TCOF1: variants seen among roughly 807,000 people sequenced by gnomAD.
TCOF1 encodes treacle protein.
Under a neutral mutation model 149.0 loss-of-function variants are expected in TCOF1, and 33 were observed. The ratio of observed to expected loss-of-function variants is 0.22; its 90% confidence interval spans 0.17 to 0.30. TCOF1 has a LOEUF of 0.30. Ranked by LOEUF, TCOF1 falls within the 10% of genes least tolerant of loss-of-function variation. TCOF1 has a pLI of 1.00. For missense variants in TCOF1, 1,728 were observed against 1,840.7 expected (o/e 0.94, Z 1.12); for synonymous variants, 789 against 738.8 (o/e 1.07, Z -1.10).
chr5:150,379,935 G>T, intron 17 of TCOF1: 2 of 575,386 alleles, frequency 3.5e-6, no homozygotes, highest in East Asian at 7.4e-5. Context: ...AGCTGGGCAT[G>T]GTGGCGGGTG....
At chr5:150,379,439 A>G (rs1443698476) in intron 16 of TCOF1, 31 bp downstream of exon 16, 1 of 1,614,034 alleles carries the variant, frequency 6.2e-7, no homozygotes, top group African/African-American at 1.3e-5. Flanking sequence ...ATCATCCCCT[A>G]CATGGGATGT....
rs758321373 is a variant in TCOF1 at position 150,387,931 on chromosome 5, C to A, written c.2889C>A (p.Asp963Glu). 3.1e-6 allele frequency: 5 copies of A among 1,613,852 alleles called. No homozygotes were observed. The highest frequency in any genetic ancestry group is 4.2e-6 in the Non-Finnish European group (5 of 1,180,026). The change falls in exon 18 of 27, where the codon GAC becomes GAA. Residue 963 changes from aspartate to glutamate, a missense_variant. Physicochemically the swap from Asp to Glu is conservative, Grantham distance 45 (BLOSUM62 2). Around this residue, in one of 2 missense-constraint regions of TCOF1, gnomAD observed 1,696 missense variants for 1,765.4 expected, o/e 0.96. Coordinates refer to ENST00000643257, the MANE Select transcript of TCOF1 (RefSeq NM_001371623.1). ...QVIKPPLIFVDPNRSPAGPAA... is the reference protein window; with the variant it reads ...QVIKPPLIFVEPNRSPAGPAA... Reference sequence around the variant, plus strand: ...TTAAACCCCCTCTGATTTTTGTCGACCCTAATCGTAGTCCAGCTGGCCCAG... The same window carrying A: ...TTAAACCCCCTCTGATTTTTGTCGAACCTAATCGTAGTCCAGCTGGCCCAG...
At chr5:150,366,039 T>C (rs1045791960) in intron 3 of TCOF1, among the ~76,000 whole-genome samples, 2 of 151,690 alleles carry the variant, frequency 1.3e-5, no homozygotes, top group African/African-American at 4.8e-5. Context: ...GGAGGATTAC[T>C]TGAGCCCAGG....
chr5:150,383,369 A>G (rs1765629165), intron 17 of TCOF1, among the ~76,000 whole-genome samples: 1 of 152,278 alleles, frequency 6.6e-6, no homozygotes, highest in Non-Finnish European at 1.5e-5. Flanking sequence ...TTAAACATAC[A>G]GGCTTCAGAG....
rs764809225 is a variant in TCOF1 at position 150,379,289 on chromosome 5, G to T, written c.2539G>T (p.Val847Leu). ...STVLARGPAS[V>L]PSVGKAVATA... is the part of the protein sequence containing the mutation. ...CGTCTTGGCGAGGGGCCCAGCATCT[G>T]TGCCATCTGTGGGGAAGGCCGTGGC... Residue 847 changes from valine (V) to leucine (L), a missense_variant, in exon 16 of 27, where the codon GTG becomes TTG. Coordinates refer to ENST00000643257, the MANE Select transcript of TCOF1 (RefSeq NM_001371623.1). 20 of 1,614,240 alleles carry T rather than the reference G, an allele frequency of 1.2e-5. No homozygotes were observed. The highest frequency in any genetic ancestry group is 8.3e-5 in the Admixed American group (5 of 60,032).
At chr5:150,392,614 G>C (rs907564492) in intron 21 of TCOF1, 91 bp from the exon 22 acceptor site, 1 of 1,301,772 alleles carries the variant, frequency 7.7e-7, no homozygotes, top group South Asian at 1.2e-5. Context: ...TGAGGGACCT[G>C]CAGAGAGACC....
At chr5:150,385,909 A>G (rs1260960455) in intron 17 of TCOF1, among the ~76,000 whole-genome samples, 1 of 152,152 alleles carries the variant, frequency 6.6e-6, no homozygotes, top group Non-Finnish European at 1.5e-5. Context: ...ATTCCTGTGT[A>G]TACTGTGCTT....
At chr5:150,395,555 G>A (rs967167472) in intron 23 of TCOF1, among the ~76,000 whole-genome samples, 2 of 150,516 alleles carry the variant, frequency 1.3e-5, no homozygotes, top group African/African-American at 2.4e-5. Flanking sequence ...TTTTTTACAC[G>A]TGTAGTCAGC....
At chr5:150,395,037 T>TC (rs1768173606) in intron 23 of TCOF1, 1 of 148,906 alleles carries the variant, frequency 6.7e-6, no homozygotes, top group Non-Finnish European at 1.5e-5. Flanking sequence ...TCTTGAAGAA[T>TC]CCCCAGAGGA....
rs138616767 is a variant in TCOF1, at chr5:150,368,868, C to T, written c.531C>T (p.Gly177=). ...TGGTCTCAGAAACTGAGGAGGAGGG[C>T]AGCGTCCCGGCCTTTGGAGCTGCTG... ...TTLVSETEEE[G]SVPAFGAAAK... is the part of the protein sequence containing the mutation. The change falls in exon 5 of 27, where the codon GGC becomes GGT. Residue 177 remains glycine, a synonymous_variant. Transcript: ENST00000643257. 209 of 1,613,738 alleles carry T rather than the reference C, an allele frequency of 1.3e-4. No homozygotes were observed. Among genetic ancestry groups the T allele is most frequent in the Non-Finnish European group, 1.7e-4 (197 of 1,180,034 alleles).
At chr5:150,360,936 A>ATGTTGCC (rs748935341) in intron 1 of TCOF1, among the ~76,000 whole-genome samples, 3 of 151,764 alleles carry the variant, frequency 2.0e-5, no homozygotes, top group Non-Finnish European at 4.4e-5. Flanking sequence ...CAGTCTCACT[A>ATGTTGCC]TGTTGCCCAG....
At chr5:150,389,023 T>C (rs182302969) in intron 18 of TCOF1, among the ~76,000 whole-genome samples, 42 of 149,080 alleles carry the variant, frequency 2.8e-4, no homozygotes, top group Middle Eastern at 8.0e-3. Context: ...GGAAGATCGC[T>C]TGAGCCCAGG....
chr5:150,368,532 A>G lies in TCOF1; in HGVS notation c.379-184A>G, dbSNP rs142032188. 9.4e-4 allele frequency: 602 copies of G among 638,322 alleles called. 7 individuals are homozygous for G. In the African/African-American group the frequency reaches 0.01, roughly 11 times the overall value. 39.5% of individuals were successfully genotyped at this position (638,322 alleles called of 1,614,324 possible). A position where few individuals can be genotyped will look rare whatever the true frequency, so the allele number is the denominator to read the frequency against. ...CAAGAACTGGGATTCTGTTTTCTCA[A>G]CACCTCTGGTGAGAGGAGGTGCTGT... On this transcript the variant is annotated intron_variant, in intron 4 of 26. Transcript: ENST00000643257.
Position 150,376,506 on chromosome 5 carries a change from A to G in TCOF1, c.2226A>G (p.Val742=). 1 of 1,613,540 alleles carries G rather than the reference A, an allele frequency of 6.2e-7. No homozygotes were observed. Among genetic ancestry groups the G allele is most frequent in the South Asian group, 1.1e-5 (1 of 91,002 alleles). ...CCTTGGGGCAAGGGACTGCTCCAGT[A>G]CTCCCTGGGAAGACGGGGCCTACAG... is the stretch of plus-strand genomic sequence containing the variant. ...KGSLGQGTAP[V]LPGKTGPTVT... The change falls in exon 14 of 27, where the codon GTA becomes GTG. Residue 742 remains valine (V), a synonymous_variant. Coordinates refer to ENST00000643257, the MANE Select transcript of TCOF1 (RefSeq NM_001371623.1).
intron 23 of TCOF1, among the ~76,000 whole-genome samples, chr5:150,395,558 T>C (rs1460069567): frequency 6.6e-6 from 1 of 151,194 alleles, no homozygotes; most frequent in Non-Finnish European, 1.5e-5. Context: ...TTTACACGTG[T>C]AGTCAGCACA....
Position 150,375,713 on chromosome 5 carries a change from C to T in TCOF1, c.1705-8C>T, listed in dbSNP as rs1281192724. 6.2e-7 allele frequency: 1 copy of T among 1,614,142 alleles called. No individual in the cohort carries two copies. ...CTCCCTCTCCCGATCCTGTGTATCT[C>T]ACTCCAGGAAAAGTCCTTGGGGAAC... On this transcript the variant is annotated splice_region_variant and splice_polypyrimidine_tract_variant and intron_variant, in intron 11 of 26. Transcript: ENST00000643257.
intron 18 of TCOF1, among the ~76,000 whole-genome samples, chr5:150,389,145 G>T (rs945226779): frequency 6.6e-6 from 1 of 152,088 alleles, no homozygotes. Flanking sequence ...GTATGTGTGT[G>T]TATATTTTTT....
intron 14 of TCOF1, 23 bp downstream of exon 14, chr5:150,376,643 C>CT (rs1562367846): frequency 6.4e-7 from 1 of 1,550,812 alleles, no homozygotes; most frequent in Non-Finnish European, 8.7e-7. Context: ...AGGAGCAGGC[C>CT]CATCCCACCC....
chr5:150,371,795 C>G (rs898833220), intron 6 of TCOF1, among the ~76,000 whole-genome samples: 15 of 152,138 alleles, frequency 9.9e-5, no homozygotes, highest in African/African-American at 3.6e-4. Flanking sequence ...GGGGCTCTGT[C>G]CCTTCATATT....
Sources: gnomAD v4.1 joint callset for allele counts (sites outside exome capture counted in the v4.1 genomes callset) on GRCh38, gnomAD v4.1.1 for gene constraint, gnomAD v4.1.1 regional missense constraint, MANE v1.5 for transcripts, NCBI Gene and HGNC (gene_info 2026-07-23, HGNC 2026-07-21) for gene names.